The following PPP6R2 variants were observed in gnomAD, a reference collection of about 807,000 sequenced individuals.
PPP6R2 encodes the protein serine/threonine-protein phosphatase 6 regulatory subunit 2.
Under a neutral mutation model 100.2 loss-of-function variants are expected in PPP6R2, and 62 were observed. The observed-to-expected ratio is 0.62, with a 90% CI of 0.50 to 0.76. The LOEUF (loss-of-function observed/expected upper bound fraction) is 0.76. Ranked by LOEUF, PPP6R2 falls within the 30% of genes least tolerant of loss-of-function variation. The probability of loss-of-function intolerance (pLI) is 0.00; values close to 1 mark genes in which losing one functional copy is unlikely to be tolerated. For synonymous variants in PPP6R2, 525 were observed against 514.7 expected (o/e 1.02, Z -0.27); for missense variants, 1,142 against 1,276.3 (o/e 0.89, Z 1.60).
chr22:50,385,430 C>T (rs942870262), intron 2 of PPP6R2, among the ~76,000 whole-genome samples: 1 of 151,810 alleles, frequency 6.6e-6, no homozygotes, highest in African/African-American at 2.4e-5. Context: ...AACTCCTGAC[C>T]TCAGGTGATC....
upstream of PPP6R2, among the ~76,000 whole-genome samples, chr22:50,339,014 GGTGT>G (rs372385602): frequency 9.8e-5 from 13 of 132,038 alleles, no homozygotes; most frequent in African/African-American, 2.6e-4. Context: ...TGTGGTGTGT[GGTGT>G]GTGTGTGTGG....
At chr22:50,348,956 C>G (rs1228491937) in intron 1 of PPP6R2, among the ~76,000 whole-genome samples, 1 of 152,038 alleles carries the variant, frequency 6.6e-6, no homozygotes, top group African/African-American at 2.4e-5. Flanking sequence ...CTTTGGGATG[C>G]TGAGGCGGGC....
At position 50,434,706 on chromosome 22, in the gene PPP6R2, T is replaced by A. The variant is rs11704683; in HGVS notation, c.1401-260T>A. Among the ~76,000 whole-genome samples the A allele has an allele frequency of 9.1e-5, 5 of 54,728 alleles. 2 individuals carry two copies. The Admixed American group carries it at 9.3e-4, about 10-fold the overall frequency. The allele number at this position is 54,728 out of a possible 152,430, so 35.9% of individuals were successfully genotyped here. A position where few individuals can be genotyped will look rare whatever the true frequency, so the allele number is the denominator to read the frequency against. Reference sequence around the variant, plus strand: ...GAGGTGAACCTGGAGGAGGGCCGGGTGCGCGGACACTGGGCAGGGGCCGGG... The same window carrying A: ...GAGGTGAACCTGGAGGAGGGCCGGGAGCGCGGACACTGGGCAGGGGCCGGG... On this transcript the variant is annotated intron_variant, in intron 12 of 23. Coordinates refer to ENST00000612753, the MANE Select transcript of PPP6R2 (RefSeq NM_001242898.2).
In PPP6R2 at chr22:50,403,303, C is replaced by T. The variant is rs572079206; in HGVS notation, c.228-3386C>T. Among the ~76,000 whole-genome samples, 5 of 152,364 alleles carry T rather than the reference C, an allele frequency of 3.3e-5. No homozygotes were observed. In the South Asian group the frequency reaches 8.3e-4, roughly 25 times the overall value. On this transcript the variant is annotated intron_variant, in intron 3 of 23. Transcript: ENST00000612753. ...CTGCTTCCTTACGTTTGATCTTCCT[C>T]CTCACCCCATGGGATGTGACTTCCT... is the stretch of plus-strand genomic sequence containing the variant.
At position 50,441,005 on chromosome 22, in the gene PPP6R2, G is replaced by A. The variant is rs750783608; in HGVS notation, c.2558G>A (p.Arg853Lys). The A allele has an allele frequency of 1.3e-6, 2 of 1,596,868 alleles. No individual in the cohort carries two copies. Among genetic ancestry groups the A allele is most frequent in the East Asian group, 2.3e-5 (1 of 44,376 alleles). The change falls in exon 22 of 24, where the codon AGG becomes AAG. Residue 853 changes from arginine to lysine, a missense_variant. Arg to Lys is a conservative substitution (Grantham distance 26). Around this residue, in one of 2 missense-constraint regions of PPP6R2, gnomAD observed 550 missense variants for 517.4 expected, o/e 1.06. Coordinates refer to ENST00000612753, the MANE Select transcript of PPP6R2 (RefSeq NM_001242898.2). The part of the protein sequence containing the change: ...REAPPLPTVA[R>K]TEEAVGRVGC... ...GCCCCCCCGCTGCCCACAGTGGCCA[G>A]GACAGAGGAGGCTGTCGGCAGGTGT...
intron 1 of PPP6R2, among the ~76,000 whole-genome samples, chr22:50,352,631 A>T (rs1479313581): frequency 6.6e-6 from 1 of 151,972 alleles, no homozygotes; most frequent in African/African-American, 2.4e-5. Flanking sequence ...AGGCTGAAGC[A>T]CAAGAATTGC....
chr22:50,343,566 C>G lies in PPP6R2; in HGVS notation c.-148+16C>G, dbSNP rs934034170. On this transcript the variant is annotated intron_variant, in intron 1 of 23. Coordinates refer to ENST00000612753, the MANE Select transcript of PPP6R2 (RefSeq NM_001242898.2). Reference sequence around the variant, plus strand: ...CGCAGGGCAGGTGAGTGCGGCCGCCCGCCGCTCAGACCCGGCCCCCAGTCT... The same window carrying G: ...CGCAGGGCAGGTGAGTGCGGCCGCCGGCCGCTCAGACCCGGCCCCCAGTCT... The G allele has an allele frequency of 1.3e-5, 2 of 153,170 alleles. No homozygotes were observed. The highest frequency in any genetic ancestry group is 4.8e-5 in the African/African-American group (2 of 41,358). 9.5% of individuals were successfully genotyped at this position (153,170 alleles called of 1,614,324 possible). A position where few individuals can be genotyped will look rare whatever the true frequency, so the allele number is the denominator to read the frequency against.
Position 50,384,139 on chromosome 22 carries a change from G to T in PPP6R2, c.-16-9754G>T, listed in dbSNP as rs149793178. 2.6e-5 allele frequency among the ~76,000 whole-genome samples: 4 copies of T among 151,886 alleles called. No individual in the cohort carries two copies. In the East Asian group the frequency reaches 7.7e-4, roughly 29 times the overall value. On this transcript the variant is annotated intron_variant, in intron 2 of 23. Transcript: ENST00000612753. ...TTAGTAAATTCAAGTATGATTTGTT[G>T]GGCACTTATAATATGCCAGGTGCAT... is the stretch of plus-strand genomic sequence containing the variant.
chr22:50,416,264 A>G lies in PPP6R2; in HGVS notation c.618+107A>G, dbSNP rs1468075641. The G allele has an allele frequency of 7.3e-6, 7 of 963,666 alleles. No homozygotes were observed. The East Asian group carries it at 1.7e-4, about 23-fold the overall frequency. The allele number at this position is 963,666 out of a possible 1,614,324, so 59.7% of individuals were successfully genotyped here. A position where few individuals can be genotyped will look rare whatever the true frequency, so the allele number is the denominator to read the frequency against. On this transcript the variant is annotated intron_variant, in intron 6 of 23. Transcript: ENST00000612753. ...AGGGAGGGCAAGTCATCCCTTTCCT[A>G]AGATGAGGATCGGTTAGGTACTTTT... is the stretch of plus-strand genomic sequence containing the variant.
chr22:50,441,271 C>CT (rs1434545922), intron 22 of PPP6R2, among the ~76,000 whole-genome samples: 1 of 152,194 alleles, frequency 6.6e-6, no homozygotes, highest in Non-Finnish European at 1.5e-5. Context: ...ATCGTGTTCT[C>CT]TGTTGTGAGT....
In PPP6R2 at chr22:50,393,934, C is replaced by A; in HGVS notation, c.26C>A (p.Thr9Asn). MFWKFDLN[T>N]TSHVDKLLDK... is the part of the protein sequence containing the mutation. Reference sequence around the variant, plus strand: ...ATGTTCTGGAAGTTTGACTTGAACACCACGTCCCATGTTGACAAGCTGCTG... The same window carrying A: ...ATGTTCTGGAAGTTTGACTTGAACAACACGTCCCATGTTGACAAGCTGCTG... Residue 9 changes from threonine to asparagine, a missense_variant, in exon 3 of 24, where the codon ACC becomes AAC. Physicochemically the swap from Thr to Asn is moderately conservative, Grantham distance 65 (BLOSUM62 0). Transcript: ENST00000612753. The A allele has an allele frequency of 6.2e-7, 1 of 1,614,196 alleles. No individual in the cohort carries two copies. Among genetic ancestry groups the A allele is most frequent in the Non-Finnish European group, 8.5e-7 (1 of 1,180,034 alleles).
At chr22:50,349,455 G>A (rs1053546855) in intron 1 of PPP6R2, among the ~76,000 whole-genome samples, 34 of 151,430 alleles carry the variant, frequency 2.2e-4, no homozygotes, top group Non-Finnish European at 4.1e-4. Context: ...GATCACTTGA[G>A]GCCAGGAGTT....
At chr22:50,418,764 C>T in intron 6 of PPP6R2, 103 bp from the exon 7 acceptor site, 2 of 843,480 alleles carry the variant, frequency 2.4e-6, no homozygotes, top group South Asian at 1.5e-5. Flanking sequence ...AGTCTAGCAT[C>T]TGCCAGAGAA....
At chr22:50,338,184 CTG>C in the PPP6R2 span, among the ~76,000 whole-genome samples, 1,066 of 95,504 alleles carry the variant, frequency 0.011, 20 homozygotes, top group African/African-American at 0.041. Flanking sequence ...TGTGTGTGTG[CTG>C]TGTGGGTATA....
chr22:50,433,266 T>C (rs931694457), intron 12 of PPP6R2, among the ~76,000 whole-genome samples: 3 of 137,800 alleles, frequency 2.2e-5, no homozygotes, highest in African/African-American at 8.2e-5. Flanking sequence ...GCATTTGCTC[T>C]GGAGGTGAAC....
chr22:50,422,859 G>C (rs1485936100), intron 9 of PPP6R2, among the ~76,000 whole-genome samples: 1 of 152,212 alleles, frequency 6.6e-6, no homozygotes, highest in Non-Finnish European at 1.5e-5. Context: ...CTATAGCTCA[G>C]TTCCTCTCAC....
chr22:50,339,762 G>GTA (rs1569219075), upstream of PPP6R2, among the ~76,000 whole-genome samples: 27 of 123,812 alleles, frequency 2.2e-4, no homozygotes, highest in African/African-American at 8.0e-4. Context: ...GTGGTGTGTG[G>GTA]TGTGTGTGGT....
chr22:50,437,992 T>C (rs868711297), intron 17 of PPP6R2, 92 bp downstream of exon 17: 13 of 1,536,520 alleles, frequency 8.5e-6, no homozygotes, highest in Middle Eastern at 1.7e-4. Flanking sequence ...GCCTGTGCGG[T>C]GGGGCTGGGA....
At chr22:50,417,065 G>A (rs1182657510) in intron 6 of PPP6R2, among the ~76,000 whole-genome samples, 2 of 152,042 alleles carry the variant, frequency 1.3e-5, no homozygotes. Context: ...TTTACCTGTA[G>A]CAGTATCAGT....
Sources: allele counts gnomAD v4.1 joint callset (sites outside exome capture counted in the v4.1 genomes callset), GRCh38; gene constraint gnomAD v4.1.1; regional missense constraint gnomAD v4.1.1; transcripts MANE v1.5; gene names NCBI Gene and HGNC (gene_info 2026-07-23, HGNC 2026-07-21).